Variants in CACNA2D3 observed in about 807,000 individuals in gnomAD.
The protein encoded by CACNA2D3 is voltage-dependent calcium channel subunit alpha-2/delta-3.
CACNA2D3 carries 60 observed loss-of-function variants against 160.6 expected under a neutral mutation model. The observed-to-expected ratio is 0.37, with a 90% CI of 0.30 to 0.46. CACNA2D3 has a LOEUF of 0.46. Ranked by LOEUF, CACNA2D3 falls within the 20% of genes least tolerant of loss-of-function variation. The probability of loss-of-function intolerance (pLI) is 1.00; values close to 1 mark genes in which losing one functional copy is unlikely to be tolerated. For synonymous variants in CACNA2D3, 558 were observed against 492.9 expected (o/e 1.13, Z -1.75); for missense variants, 1,205 against 1,365.0 (o/e 0.88, Z 1.85).
At chr3:54,268,155 A>G (rs1056360463) in intron 2 of CACNA2D3, among the ~76,000 whole-genome samples, 28 of 152,196 alleles carry the variant, frequency 1.8e-4, no homozygotes, top group African/African-American at 6.5e-4. Context: ...AAAGAGGTTT[A>G]AAGAAGCAGC....
At chr3:54,975,504 G>A (rs918704440) in intron 29 of CACNA2D3, among the ~76,000 whole-genome samples, 6 of 131,336 alleles carry the variant, frequency 4.6e-5, no homozygotes, top group Admixed American at 8.4e-5. Flanking sequence ...CTGGGCAACA[G>A]AGTGAGACTT....
intron 21 of CACNA2D3, among the ~76,000 whole-genome samples, chr3:54,882,148 G>T (rs1291997062): frequency 6.6e-6 from 1 of 152,194 alleles, no homozygotes; most frequent in African/African-American, 2.4e-5. Context: ...GTGTTTTCAG[G>T]ATCATGTTTT....
chr3:54,263,580 G>T (rs1702442979), intron 2 of CACNA2D3, among the ~76,000 whole-genome samples: 3 of 152,128 alleles, frequency 2.0e-5, no homozygotes, highest in Admixed American at 2.0e-4. Flanking sequence ...TATGATTTCT[G>T]GGATTTTAGT....
rs368887061 is a variant in CACNA2D3 at position 54,763,778 on chromosome 3, T to C, written c.1247-440T>C. On this transcript the variant is annotated intron_variant, in intron 12 of 37. Transcript: ENST00000474759. ...ATATACACATATATATGTATATATG[T>C]ACATATATATGTATATATATGTACA... Among the ~76,000 whole-genome samples the C allele has an allele frequency of 3.4e-4, 8 of 23,822 alleles. 1 individual carries two copies. Among genetic ancestry groups the C allele is most frequent in the East Asian group, 8.4e-4 (1 of 1,184 alleles). 15.6% of individuals were successfully genotyped at this position (23,822 alleles called of 152,430 possible). A position where few individuals can be genotyped will look rare whatever the true frequency, so the allele number is the denominator to read the frequency against.
At chr3:55,003,494 T>A (rs1703026857) in intron 31 of CACNA2D3, among the ~76,000 whole-genome samples, 1 of 152,142 alleles carries the variant, frequency 6.6e-6, no homozygotes. Flanking sequence ...ACACAAAATT[T>A]ATTTTAATAT....
rs758429363 is a variant in CACNA2D3, at chr3:54,918,916, C to A, written c.2449+19048C>A. 13 of 1,510,042 alleles carry A rather than the reference C, an allele frequency of 8.6e-6. No individual in the cohort carries two copies. The South Asian group carries it at 1.5e-4, about 17-fold the overall frequency. The allele number at this position is 1,510,042 out of a possible 1,614,324, so 93.5% of individuals were successfully genotyped here. The stretch of plus-strand genomic sequence containing the variant: ...CCCTTTAAAAAACAAAAGCAAAGAA[C>A]AATAACAAAGCCTTGATACAACAGA... On this transcript the variant is annotated intron_variant, in intron 27 of 37. Coordinates refer to ENST00000474759, the MANE Select transcript of CACNA2D3 (RefSeq NM_018398.3).
chr3:54,221,656 G>A (rs1701574611), intron 2 of CACNA2D3, among the ~76,000 whole-genome samples: 1 of 152,120 alleles, frequency 6.6e-6, no homozygotes, highest in Non-Finnish European at 1.5e-5. Flanking sequence ...CAAATTCACA[G>A]ATGCTAAAGT....
At chr3:54,722,421 A>G (rs12488187) in intron 11 of CACNA2D3, among the ~76,000 whole-genome samples, 65,066 of 151,908 alleles carry the variant, frequency 0.43, 14,279 homozygotes, top group Non-Finnish European at 0.46. Flanking sequence ...CAATTTGTCA[A>G]ACCTATTCTC....
At chr3:54,771,779 AGCT>A (rs1702326702) in intron 13 of CACNA2D3, among the ~76,000 whole-genome samples, 1 of 152,002 alleles carries the variant, frequency 6.6e-6, no homozygotes, top group Non-Finnish European at 1.5e-5. Flanking sequence ...ATATCCCATC[AGCT>A]TACACTCAAG....
At chr3:54,250,250 A>ATG (rs1274928906) in intron 2 of CACNA2D3, among the ~76,000 whole-genome samples, 1 of 152,170 alleles carries the variant, frequency 6.6e-6, no homozygotes, top group African/African-American at 2.4e-5. Flanking sequence ...AAATCTGGCA[A>ATG]TGTATTATCT....
intron 13 of CACNA2D3, among the ~76,000 whole-genome samples, chr3:54,815,913 T>G (rs552201286): frequency 6.6e-6 from 1 of 152,348 alleles, no homozygotes; most frequent in South Asian, 2.1e-4. Context: ...ATGGATCATG[T>G]TAATTCCATT....
intron 13 of CACNA2D3, 113 bp from the exon 14 acceptor site, chr3:54,816,740 C>T (rs1275812316): frequency 1.8e-5 from 20 of 1,140,400 alleles, no homozygotes; most frequent in Non-Finnish European, 2.4e-5. Context: ...TCACTTGTCT[C>T]CCCATTTTGG....
At chr3:54,775,292 A>G (rs79005137) in intron 13 of CACNA2D3, among the ~76,000 whole-genome samples, 4,347 of 152,262 alleles carry the variant, frequency 0.029, 176 homozygotes, top group African/African-American at 0.097. Context: ...CATGTACCAC[A>G]TCAGCAGGGT....
In CACNA2D3 at chr3:54,995,412, G is replaced by A. The variant is rs143338151; in HGVS notation, c.2690+7659G>A. 5.9e-5 allele frequency among the ~76,000 whole-genome samples: 9 copies of A among 152,246 alleles called. No individual in the cohort carries two copies. The East Asian group carries it at 1.7e-3, about 29-fold the overall frequency. On this transcript the variant is annotated intron_variant, in intron 31 of 37. Coordinates refer to ENST00000474759, the MANE Select transcript of CACNA2D3 (RefSeq NM_018398.3). The stretch of plus-strand genomic sequence containing the variant: ...TTTTTTCATCTCTTATGGTAAGGAA[G>A]TCTAAAAATACTAATTTGGGACCCT...
intron 29 of CACNA2D3, among the ~76,000 whole-genome samples, chr3:54,983,733 G>A (rs981584937): frequency 5.9e-5 from 9 of 152,200 alleles, no homozygotes; most frequent in South Asian, 2.1e-4. Context: ...CATCAGCCCC[G>A]TGGTGGCCTG....
At chr3:54,992,817 G>C (rs1241607219) in intron 31 of CACNA2D3, among the ~76,000 whole-genome samples, 1 of 151,918 alleles carries the variant, frequency 6.6e-6, no homozygotes, top group Non-Finnish European at 1.5e-5. Flanking sequence ...ACCTGAGACT[G>C]GGTAATTTAC....
intron 35 of CACNA2D3, among the ~76,000 whole-genome samples, chr3:55,021,445 T>C (rs1412175199): frequency 6.6e-6 from 1 of 151,380 alleles, no homozygotes; most frequent in African/African-American, 2.4e-5. Flanking sequence ...GTGTTTTATC[T>C]TTCTTCTATG....
rs1054649569 is a variant in CACNA2D3, at chr3:54,626,457, C to T, written c.964-1330C>T. The T allele has an allele frequency of 1.9e-5, 31 of 1,599,992 alleles. No individual in the cohort carries two copies. The African/African-American group carries it at 3.1e-4, about 16-fold the overall frequency. On this transcript the variant is annotated intron_variant, in intron 9 of 37. Transcript: ENST00000474759. ...AAGTGGTGAAGACGCACCTGCGTGA[C>T]GTGATCATCCTGCCCGAGATGGTGG... is the stretch of plus-strand genomic sequence containing the variant.
At chr3:54,526,848 G>A (rs574614874) in intron 5 of CACNA2D3, among the ~76,000 whole-genome samples, 2 of 152,156 alleles carry the variant, frequency 1.3e-5, no homozygotes, top group South Asian at 2.1e-4. Flanking sequence ...CCGTCACCAC[G>A]CCCAGCTGAT....
Sources: gnomAD v4.1 joint callset for allele counts (sites outside exome capture counted in the v4.1 genomes callset) on GRCh38, gnomAD v4.1.1 for gene constraint, MANE v1.5 for transcripts, NCBI Gene and HGNC (gene_info 2026-07-23, HGNC 2026-07-21) for gene names.